The following CCDC7 variants were observed in gnomAD, a reference collection of about 807,000 sequenced individuals.
The protein encoded by CCDC7 is coiled-coil domain-containing protein 7.
In CCDC7, 183 loss-of-function variants were observed where a neutral mutation model predicts 196.9. The observed-to-expected ratio is 0.93, with a 90% confidence interval of 0.82 to 1.05. CCDC7 has a LOEUF of 1.05. CCDC7 is among the 50% of genes least tolerant of loss of function. The probability of loss-of-function intolerance (pLI) is 0.00; values close to 1 mark genes in which losing one functional copy is unlikely to be tolerated. For synonymous variants in CCDC7, 525 were observed against 484.6 expected (o/e 1.08, Z -1.10); for missense variants, 1,540 against 1,482.2 (o/e 1.04, Z -0.64).
At chr10:32,691,042 G>C (rs752228461) in intron 23 of CCDC7, among the ~76,000 whole-genome samples, 3 of 152,164 alleles carry the variant, frequency 2.0e-5, no homozygotes, top group Non-Finnish European at 2.9e-5. Flanking sequence ...AATGGCCCTA[G>C]AAATGCAATT....
At chr10:32,749,842 G>T (rs1565385467) in intron 28 of CCDC7, among the ~76,000 whole-genome samples, 1 of 152,184 alleles carries the variant, frequency 6.6e-6, no homozygotes, top group East Asian at 1.9e-4. Flanking sequence ...TAACAAATAA[G>T]CATGAAGCAA....
intron 11 of CCDC7, among the ~76,000 whole-genome samples, chr10:32,536,870 A>G (rs2050596589): frequency 6.6e-6 from 1 of 152,134 alleles, no homozygotes; most frequent in South Asian, 2.1e-4. Context: ...TGGAGTATAC[A>G]TATCACATTT....
chr10:32,459,299 AAACT>A, intron 3 of CCDC7, among the ~76,000 whole-genome samples: 1 of 152,218 alleles, frequency 6.6e-6, no homozygotes, highest in Admixed American at 6.5e-5. Context: ...GAGTTAGGTG[AAACT>A]AACTCAGTTT....
At chr10:32,478,092 G>C (rs987696843) in intron 8 of CCDC7, among the ~76,000 whole-genome samples, 1 of 152,048 alleles carries the variant, frequency 6.6e-6, no homozygotes, top group Admixed American at 6.5e-5. Flanking sequence ...TGAAATTTCA[G>C]TGCTACTATA....
chr10:32,792,234 A>G (rs2082820041), intron 29 of CCDC7, among the ~76,000 whole-genome samples: 2 of 152,240 alleles, frequency 1.3e-5, no homozygotes, highest in African/African-American at 4.8e-5. Flanking sequence ...GACAATAAAT[A>G]CTATCATGAA....
intron 28 of CCDC7, among the ~76,000 whole-genome samples, chr10:32,754,406 G>A (rs951609470): frequency 5.3e-5 from 8 of 152,180 alleles, no homozygotes; most frequent in African/African-American, 1.9e-4. Context: ...TACATAGGGA[G>A]ATATTTCATG....
intron 25 of CCDC7, among the ~76,000 whole-genome samples, chr10:32,726,091 TG>T (rs2083080939): frequency 6.6e-6 from 1 of 152,132 alleles, no homozygotes; most frequent in African/African-American, 2.4e-5. Flanking sequence ...TGTCTCATTT[TG>T]AAAAGGTTAA....
At chr10:32,517,126 A>G (rs1289289610) in intron 9 of CCDC7, among the ~76,000 whole-genome samples, 1 of 152,206 alleles carries the variant, frequency 6.6e-6, no homozygotes, top group African/African-American at 2.4e-5. Context: ...TTTAATTGGA[A>G]TACAGCCATA....
intron 13 of CCDC7, among the ~76,000 whole-genome samples, chr10:32,564,708 C>G (rs556111761): frequency 6.6e-6 from 1 of 151,776 alleles, no homozygotes; most frequent in African/African-American, 2.4e-5. Flanking sequence ...GCTATAATGA[C>G]GAGTTAATGG....
At chr10:32,740,597 A>G (rs533662683) in intron 28 of CCDC7, among the ~76,000 whole-genome samples, 11 of 152,192 alleles carry the variant, frequency 7.2e-5, no homozygotes, top group African/African-American at 1.4e-4. Context: ...ACTAATCCCT[A>G]TGTATACCAA....
At chr10:32,623,947 G>A (rs907145140) in intron 18 of CCDC7, 4 of 312,314 alleles carry the variant, frequency 1.3e-5, no homozygotes, top group South Asian at 5.0e-5. Context: ...GGATCCTCCC[G>A]TATAATCCAA....
At chr10:32,608,746 T>G (rs1463673742) in intron 18 of CCDC7, among the ~76,000 whole-genome samples, 1 of 151,980 alleles carries the variant, frequency 6.6e-6, no homozygotes, top group Non-Finnish European at 1.5e-5. Context: ...TTGCCATGTT[T>G]CCCAGGCTGG....
At chr10:32,562,381 A>G (rs2055869004) in intron 13 of CCDC7, among the ~76,000 whole-genome samples, 3 of 152,242 alleles carry the variant, frequency 2.0e-5, no homozygotes, top group Non-Finnish European at 4.4e-5. Context: ...TCCTTGATGA[A>G]CATTGATGTA....
At chr10:32,842,364 A>G (rs577513088) in intron 33 of CCDC7, among the ~76,000 whole-genome samples, 23 of 152,290 alleles carry the variant, frequency 1.5e-4, no homozygotes, top group African/African-American at 5.5e-4. Context: ...ACTCATTATC[A>G]GGGATATGCA....
At chr10:32,565,718 G>T in intron 14 of CCDC7, 98 bp downstream of exon 15, 1 of 1,304,428 alleles carries the variant, frequency 7.7e-7, no homozygotes, top group Non-Finnish European at 1.0e-6. Context: ...AAGCTAAGAG[G>T]TCTACATATT....
At chr10:32,618,301 TTCTTC>T (rs1427458196) in intron 18 of CCDC7, among the ~76,000 whole-genome samples, 2 of 151,980 alleles carry the variant, frequency 1.3e-5, no homozygotes, top group Non-Finnish European at 2.9e-5. Context: ...TTTTTTTATT[TTCTTC>T]TCTTTTTGTC....
intron 13 of CCDC7, among the ~76,000 whole-genome samples, chr10:32,544,948 A>G (rs2052168371): frequency 6.6e-6 from 1 of 152,214 alleles, no homozygotes; most frequent in Non-Finnish European, 1.5e-5. Context: ...AAAGATTTCA[A>G]ATTCAAAGCA....
At chr10:32,654,678 T>G (rs1462430552) in intron 20 of CCDC7, among the ~76,000 whole-genome samples, 1 of 152,182 alleles carries the variant, frequency 6.6e-6, no homozygotes, top group Non-Finnish European at 1.5e-5. Flanking sequence ...TCTTGAGGCA[T>G]GCTTTCAATG....
chr10:32,535,117 C>T (rs1313829415), intron 11 of CCDC7, among the ~76,000 whole-genome samples: 1 of 150,904 alleles, frequency 6.6e-6, no homozygotes, highest in Non-Finnish European at 1.5e-5. Context: ...TTTCACTTCT[C>T]TGGGTGAAAA....
Sources: allele counts gnomAD v4.1 joint callset (sites outside exome capture counted in the v4.1 genomes callset), GRCh38; gene constraint gnomAD v4.1.1; transcripts MANE v1.5; gene names NCBI Gene and HGNC (gene_info 2026-07-23, HGNC 2026-07-21).